Variants in ADARB2 observed in about 807,000 individuals in gnomAD.
ADARB2 encodes the protein inactive double-stranded RNA-specific editase B2.
Under a neutral mutation model 62.2 loss-of-function variants are expected in ADARB2, and 25 were observed. That is an observed-to-expected ratio of 0.40 (90% CI 0.29 to 0.56). ADARB2 has a LOEUF of 0.56. Ranked by LOEUF, ADARB2 falls within the 20% of genes least tolerant of loss-of-function variation. The pLI is 0.43. For synonymous variants in ADARB2, 572 were observed against 500.8 expected (o/e 1.14, Z -1.90); for missense variants, 1,071 against 1,077.4 (o/e 0.99, Z 0.08).
intron 1 of ADARB2, among the ~76,000 whole-genome samples, chr10:1,655,551 A>T (rs192916130): frequency 1.1e-4 from 17 of 152,380 alleles, no homozygotes; most frequent in Admixed American, 9.8e-4. Context: ...GTGTTTAACT[A>T]TCAAAATAAA....
intron 3 of ADARB2, among the ~76,000 whole-genome samples, chr10:1,360,761 C>G (rs539413681): frequency 1.3e-5 from 2 of 152,152 alleles, no homozygotes; most frequent in Non-Finnish European, 2.9e-5. Context: ...GTCATCCAGT[C>G]GGGGTGGTTA....
At chr10:1,676,545 G>C (rs1834468962) in intron 1 of ADARB2, among the ~76,000 whole-genome samples, 1 of 151,854 alleles carries the variant, frequency 6.6e-6, no homozygotes, top group Admixed American at 6.6e-5. Flanking sequence ...TTTTATTTTT[G>C]AGATAGGATC....
intron 1 of ADARB2, among the ~76,000 whole-genome samples, chr10:1,560,456 G>T (rs904967893): frequency 2.0e-5 from 3 of 150,148 alleles, no homozygotes; most frequent in Admixed American, 6.7e-5. Flanking sequence ...TCACACACGC[G>T]TGAACACACG....
intron 3 of ADARB2, among the ~76,000 whole-genome samples, chr10:1,359,007 G>A (rs1338559303): frequency 6.6e-6 from 1 of 152,166 alleles, no homozygotes; most frequent in Non-Finnish European, 1.5e-5. Context: ...TTTTGCTTAG[G>A]AATTCTTTTG....
At position 1,684,054 on chromosome 10, in the gene ADARB2, C is replaced by T. The variant is rs528914016; in HGVS notation, c.100+52997G>A. On this transcript the variant is annotated intron_variant, in intron 1 of 9. Transcript: ENST00000381312. The stretch of plus-strand genomic sequence containing the variant: ...AATGAGACAATGATAAGACCCTCTT[C>T]AGGGAGTGAAGTGCGTTTCAAAAGC... Among the ~76,000 whole-genome samples the T allele has an allele frequency of 3.3e-4, 50 of 152,370 alleles. 1 individual carries two copies. The South Asian group carries it at 9.9e-3, about 30-fold the overall frequency.
chr10:1,682,963 T>C (rs6560760), intron 1 of ADARB2, among the ~76,000 whole-genome samples: 141,298 of 152,258 alleles, frequency 0.93, 65,681 homozygotes, highest in Admixed American at 0.97. Context: ...ATGCCGGCGG[T>C]AACACAGCAC....
chr10:1,572,292 C>T (rs973387353), intron 1 of ADARB2, among the ~76,000 whole-genome samples: 1 of 151,862 alleles, frequency 6.6e-6, no homozygotes, highest in Non-Finnish European at 1.5e-5. Flanking sequence ...GATGAGTGAA[C>T]AGGTGAGCTT....
chr10:1,498,861 T>C (rs532763020), intron 1 of ADARB2, among the ~76,000 whole-genome samples: 1 of 152,294 alleles, frequency 6.6e-6, no homozygotes, highest in Admixed American at 6.5e-5. Flanking sequence ...TACTCACTCA[T>C]CATTTATCAT....
chr10:1,375,582 A>G (rs541088844), intron 2 of ADARB2, among the ~76,000 whole-genome samples: 1 of 152,362 alleles, frequency 6.6e-6, no homozygotes, highest in Admixed American at 6.5e-5. Context: ...GGTGCAATAC[A>G]CGCCAGGTGG....
At chr10:1,261,798 AC>A (rs1221419917) in intron 4 of ADARB2, among the ~76,000 whole-genome samples, 1 of 150,306 alleles carries the variant, frequency 6.7e-6, no homozygotes, top group Non-Finnish European at 1.5e-5. Flanking sequence ...CTGGGTATAT[AC>A]CCAAAGGACT....
At chr10:1,696,410 T>C (rs905583977) in intron 1 of ADARB2, among the ~76,000 whole-genome samples, 2 of 152,248 alleles carry the variant, frequency 1.3e-5, no homozygotes, top group African/African-American at 4.8e-5. Flanking sequence ...CACATATTTA[T>C]GTCTTTTAAA....
At chr10:1,210,834 C>T (rs1222438209) in intron 7 of ADARB2, among the ~76,000 whole-genome samples, 1 of 152,182 alleles carries the variant, frequency 6.6e-6, no homozygotes. Flanking sequence ...GAAGCAGCCC[C>T]TTCCCGCGCT....
Position 1,267,441 on chromosome 10 carries a change from C to T in ADARB2, c.1192+3514G>A, listed in dbSNP as rs189748749. ...AAAGCAAGGAGGAAGACAATGATTC[C>T]GGAGATGGTGTCCCACTGGAAGAGC... On this transcript the variant is annotated intron_variant, in intron 4 of 9. Coordinates refer to ENST00000381312, the MANE Select transcript of ADARB2 (RefSeq NM_018702.4). Among the ~76,000 whole-genome samples, 20 of 152,264 alleles carry T rather than the reference C, an allele frequency of 1.3e-4. No individual in the cohort carries two copies. The East Asian group carries it at 3.3e-3, about 25-fold the overall frequency.
chr10:1,419,727 A>G (rs1223475381), intron 1 of ADARB2, among the ~76,000 whole-genome samples: 2 of 152,206 alleles, frequency 1.3e-5, no homozygotes, highest in East Asian at 3.9e-4. Flanking sequence ...TGCTCAGATA[A>G]CCTACTGGAA....
chr10:1,327,100 G>A (rs1174062244), intron 3 of ADARB2, among the ~76,000 whole-genome samples: 3 of 106,120 alleles, frequency 2.8e-5, no homozygotes, highest in African/African-American at 7.3e-5. Context: ...ACTGCACAGC[G>A]CCTCCCCACG....
rs547507459 is a variant in ADARB2, at chr10:1,394,026, C to G, written c.101-14866G>C. Among the ~76,000 whole-genome samples the G allele has an allele frequency of 3.4e-3, 525 of 152,274 alleles. 3 individuals carry two copies. The highest frequency in any genetic ancestry group is 0.01 in the Middle Eastern group (3 of 294). On this transcript the variant is annotated intron_variant, in intron 1 of 9. Transcript: ENST00000381312. ...CTTTCAGGGTGGTGTCCTCCGTGAA[C>G]TCTGCCTTAGGGTGTAATCATTAAT...
intron 1 of ADARB2, among the ~76,000 whole-genome samples, chr10:1,556,341 T>A (rs1832702452): frequency 6.6e-6 from 1 of 151,852 alleles, no homozygotes. Context: ...AGGGGATAGA[T>A]GCATTGTGTA....
intron 1 of ADARB2, among the ~76,000 whole-genome samples, chr10:1,457,933 C>A (rs74684573): frequency 6.6e-6 from 1 of 152,038 alleles, no homozygotes; most frequent in Non-Finnish European, 1.5e-5. Flanking sequence ...TCTCTTTGCA[C>A]GTAAAATGTA....
At chr10:1,228,632 A>G (rs2131765293) in intron 6 of ADARB2, among the ~76,000 whole-genome samples, 1 of 152,372 alleles carries the variant, frequency 6.6e-6, no homozygotes, top group South Asian at 2.1e-4. Flanking sequence ...CAGATGTGGC[A>G]GTTTTGAGTC....
Sources: allele counts gnomAD v4.1 joint callset (sites outside exome capture counted in the v4.1 genomes callset), GRCh38; gene constraint gnomAD v4.1.1; transcripts MANE v1.5; gene names NCBI Gene and HGNC (gene_info 2026-07-23, HGNC 2026-07-21).